Variants in NUDCD1 observed in about 807,000 individuals in gnomAD.
The protein encoded by NUDCD1 is NudC domain containing 1.
In NUDCD1, 60 loss-of-function variants were observed where a neutral mutation model predicts 67.8. That is an observed-to-expected ratio of 0.88 (90% CI 0.72 to 1.10). The LOEUF (loss-of-function observed/expected upper bound fraction) is 1.10, where lower values mean the gene tolerates loss of function less well. NUDCD1 is among the 50% of genes least tolerant of loss of function. NUDCD1 has a pLI of 0.00. For synonymous variants in NUDCD1, 244 were observed against 230.8 expected (o/e 1.06, Z -0.52); for missense variants, 643 against 695.0 (o/e 0.93, Z 0.84).
intron 8 of NUDCD1, among the ~76,000 whole-genome samples, chr8:109,250,047 T>C (rs748112674): frequency 5.3e-5 from 8 of 151,876 alleles, no homozygotes; most frequent in Non-Finnish European, 1.0e-4. Flanking sequence ...GGGGTCTCAC[T>C]ATGTTGCCCA....
rs186454310 is a variant in NUDCD1 at position 109,328,766 on chromosome 8, A to G, written c.118+5127T>C. Among the ~76,000 whole-genome samples the G allele has an allele frequency of 6.1e-4, 93 of 152,324 alleles. 1 individual carries two copies. Among genetic ancestry groups the G allele is most frequent in the African/African-American group, 1.9e-3 (80 of 41,568 alleles). On this transcript the variant is annotated intron_variant, in intron 1 of 9. Coordinates refer to ENST00000239690, the MANE Select transcript of NUDCD1 (RefSeq NM_032869.4). ...TAATCTGTTTCCAAGTAACTCAACT[A>G]TATCCCGGAAAAAAAACTCAAGAAC...
At chr8:109,311,230 T>C (rs750591764) in intron 2 of NUDCD1, among the ~76,000 whole-genome samples, 1 of 152,164 alleles carries the variant, frequency 6.6e-6, no homozygotes, top group Non-Finnish European at 1.5e-5. Flanking sequence ...ACCCCCAACT[T>C]AGTCCTGCCA....
chr8:109,250,419 T>C (rs1320607848), intron 8 of NUDCD1, among the ~76,000 whole-genome samples: 5 of 152,152 alleles, frequency 3.3e-5, no homozygotes, highest in Non-Finnish European at 7.4e-5. Flanking sequence ...CTAAAAGGTG[T>C]TTGGCTTCAT....
At chr8:109,287,374 A>G (rs565703596) in intron 5 of NUDCD1, among the ~76,000 whole-genome samples, 1 of 152,292 alleles carries the variant, frequency 6.6e-6, no homozygotes, top group East Asian at 1.9e-4. Context: ...CAGTAAAGAC[A>G]TGGAATCAAC....
intron 2 of NUDCD1, among the ~76,000 whole-genome samples, chr8:109,297,883 A>G (rs145056128): frequency 0.033 from 4,958 of 152,292 alleles, 104 homozygotes; most frequent in Middle Eastern, 0.11. Flanking sequence ...AAACTTTACA[A>G]GTTTTTCTAT....
In NUDCD1 at chr8:109,242,985, A is replaced by T; in HGVS notation, c.*24T>A. On this transcript the variant is annotated 3_prime_UTR_variant, in exon 10 of 10. Transcript: ENST00000239690. ...GTACCACTGAATACTTTTCCAGTAC[A>T]AAGAGGCCAATATGTTAGAATAATT... 6.6e-7 allele frequency: 1 copy of T among 1,505,402 alleles called. No homozygotes were observed. The highest frequency in any genetic ancestry group is 9.2e-7 in the Non-Finnish European group (1 of 1,091,732). 93.3% of individuals were successfully genotyped at this position (1,505,402 alleles called of 1,614,324 possible).
intron 8 of NUDCD1, 47 bp downstream of exon 8, chr8:109,270,958 G>A (rs1814139332): frequency 1.6e-6 from 2 of 1,281,756 alleles, no homozygotes; most frequent in East Asian, 4.7e-5. Context: ...ATCATTATCT[G>A]AGTAACTACT....
intron 2 of NUDCD1, among the ~76,000 whole-genome samples, chr8:109,317,863 T>C (rs1223317413): frequency 6.6e-6 from 1 of 152,208 alleles, no homozygotes; most frequent in Non-Finnish European, 1.5e-5. Context: ...TTATTTTCTA[T>C]GAAACTGAAG....
chr8:109,309,984 C>T (rs1443183135), intron 2 of NUDCD1, among the ~76,000 whole-genome samples: 1 of 151,972 alleles, frequency 6.6e-6, no homozygotes, highest in Non-Finnish European at 1.5e-5. Flanking sequence ...TCACAGATTA[C>T]ACAAATGTAA....
At chr8:109,266,524 G>A (rs1273668600) in intron 8 of NUDCD1, among the ~76,000 whole-genome samples, 1 of 151,512 alleles carries the variant, frequency 6.6e-6, no homozygotes, top group Non-Finnish European at 1.5e-5. Context: ...GATTACAGGT[G>A]TGAGCCACCT....
chr8:109,299,226 T>C (rs1814918286), intron 2 of NUDCD1, among the ~76,000 whole-genome samples: 2 of 152,132 alleles, frequency 1.3e-5, no homozygotes, highest in Non-Finnish European at 2.9e-5. Flanking sequence ...TTTGTAACAC[T>C]TTGAACTGAT....
intron 2 of NUDCD1, chr8:109,316,182 A>G (rs577923738): frequency 1.3e-5 from 2 of 152,252 alleles, no homozygotes; most frequent in Non-Finnish European, 2.9e-5. Context: ...TTAAAAAACC[A>G]AAGTTTAAAC....
At chr8:109,261,997 G>A (rs114243358) in intron 8 of NUDCD1, among the ~76,000 whole-genome samples, 3,690 of 151,946 alleles carry the variant, frequency 0.024, 140 homozygotes, top group African/African-American at 0.084. Flanking sequence ...ATGGTGTTAT[G>A]AACAGCAATT....
chr8:109,294,643 C>A (rs1164926234), intron 3 of NUDCD1, among the ~76,000 whole-genome samples: 2 of 151,862 alleles, frequency 1.3e-5, no homozygotes, highest in African/African-American at 4.8e-5. Context: ...GAGTAGATGG[C>A]GTACTTTTAA....
rs563932330 is a variant in NUDCD1 at position 109,263,723 on chromosome 8, AG to A, written c.1299+7281del. On this transcript the variant is annotated intron_variant, in intron 8 of 9. Coordinates refer to ENST00000239690, the MANE Select transcript of NUDCD1 (RefSeq NM_032869.4). Reference sequence around the variant, plus strand: ...TATGCAGAACCCTATTGGGTTGGGGAGGGGGGTGCTGGGAGACATCTTCAGG... The same window carrying A: ...TATGCAGAACCCTATTGGGTTGGGGAGGGGGTGCTGGGAGACATCTTCAGG... 6.8e-4 allele frequency among the ~76,000 whole-genome samples: 104 copies of A among 152,110 alleles called. 1 individual carries two copies. Among genetic ancestry groups the A allele is most frequent in the Middle Eastern group, 3.4e-3 (1 of 294 alleles).
At chr8:109,267,501 T>C (rs1179895057) in intron 8 of NUDCD1, among the ~76,000 whole-genome samples, 1 of 152,172 alleles carries the variant, frequency 6.6e-6, no homozygotes, top group African/African-American at 2.4e-5. Flanking sequence ...CTCAAAGAAC[T>C]CAAAGCAGAA....
intron 8 of NUDCD1, among the ~76,000 whole-genome samples, chr8:109,249,112 T>A (rs1211023534): frequency 6.6e-6 from 1 of 152,196 alleles, no homozygotes; most frequent in Non-Finnish European, 1.5e-5. Context: ...TAAACCATTT[T>A]ATTCCCCTTA....
chr8:109,306,386 T>C (rs1313663374), intron 2 of NUDCD1, among the ~76,000 whole-genome samples: 1 of 152,090 alleles, frequency 6.6e-6, no homozygotes, highest in Admixed American at 6.5e-5. Flanking sequence ...TCAATCTCAC[T>C]CACTCTCTCC....
chr8:109,276,522 C>T lies in NUDCD1; in HGVS notation c.1029-1026G>A, dbSNP rs376534872. ...CAGCTGTTCTTTTTCAAGACTGTTACAATCACTACCTTATGAATTACAGCA... is the reference window on the plus strand; with the variant it reads ...CAGCTGTTCTTTTTCAAGACTGTTATAATCACTACCTTATGAATTACAGCA... On this transcript the variant is annotated intron_variant, in intron 6 of 9. Transcript: ENST00000239690. 1.6e-4 allele frequency among the ~76,000 whole-genome samples: 24 copies of T among 152,292 alleles called. No individual in the cohort carries two copies. The South Asian group carries it at 5.0e-3, about 32-fold the overall frequency.
Sources: gnomAD v4.1 joint callset for allele counts (sites outside exome capture counted in the v4.1 genomes callset) on GRCh38, gnomAD v4.1.1 for gene constraint, MANE v1.5 for transcripts, NCBI Gene and HGNC (gene_info 2026-07-23, HGNC 2026-07-21) for gene names.